The following CNTN5 variants were observed in gnomAD, a reference collection of about 807,000 sequenced individuals.
CNTN5 encodes the protein contactin-5.
A neutral mutation model predicts 129.1 loss-of-function variants in CNTN5; 77 were observed. That is an observed-to-expected ratio of 0.60 (90% confidence interval 0.50 to 0.72). The LOEUF (loss-of-function observed/expected upper bound fraction) is 0.72. Ranked by LOEUF, CNTN5 falls within the 30% of genes least tolerant of loss-of-function variation. CNTN5 has a pLI of 0.00. For missense variants in CNTN5, 1,478 were observed against 1,328.8 expected (o/e 1.11, Z -1.75); for synonymous variants, 509 against 465.6 (o/e 1.09, Z -1.20).
At chr11:99,821,259 A>G (rs544264917) in intron 4 of CNTN5, among the ~76,000 whole-genome samples, 5 of 152,296 alleles carry the variant, frequency 3.3e-5, no homozygotes, top group South Asian at 2.1e-4. Flanking sequence ...GGTAGTCACA[A>G]TGGTCAATAT....
chr11:99,159,885 A>G (rs1309538916), intron 1 of CNTN5, among the ~76,000 whole-genome samples: 1 of 152,178 alleles, frequency 6.6e-6, no homozygotes, highest in Non-Finnish European at 1.5e-5. Flanking sequence ...CTGTAATATA[A>G]TAATCTCAAC....
At chr11:99,070,162 C>T (rs1865286871) in intron 1 of CNTN5, among the ~76,000 whole-genome samples, 1 of 152,162 alleles carries the variant, frequency 6.6e-6, no homozygotes, top group South Asian at 2.1e-4. Flanking sequence ...TCCCTAATAA[C>T]TTCAAACTGG....
chr11:99,585,944 T>TCTTTCTTTC (rs1949779085), intron 3 of CNTN5, among the ~76,000 whole-genome samples: 1 of 152,148 alleles, frequency 6.6e-6, no homozygotes, highest in African/African-American at 2.4e-5. Context: ...AATAAATTGT[T>TCTTTCTTTC]CTTTCTTTCC....
chr11:100,040,768 T>G (rs1942330987), intron 9 of CNTN5, among the ~76,000 whole-genome samples: 1 of 152,216 alleles, frequency 6.6e-6, no homozygotes, highest in South Asian at 2.1e-4. Context: ...CGTAGGACCC[T>G]CCTAGCCAAG....
intron 2 of CNTN5, among the ~76,000 whole-genome samples, chr11:99,472,172 A>G (rs945143372): frequency 6.6e-6 from 1 of 152,152 alleles, no homozygotes. Flanking sequence ...AAGTCAAAGT[A>G]GTCAAAAGAA....
At chr11:99,863,746 T>C (rs996630430) in intron 6 of CNTN5, among the ~76,000 whole-genome samples, 4 of 152,198 alleles carry the variant, frequency 2.6e-5, no homozygotes, top group Non-Finnish European at 5.9e-5. Context: ...TAAAATAAGT[T>C]GAATACCTAG....
At chr11:100,122,383 G>T (rs897357547) in intron 13 of CNTN5, among the ~76,000 whole-genome samples, 13 of 151,982 alleles carry the variant, frequency 8.6e-5, no homozygotes, top group Non-Finnish European at 1.5e-5. Flanking sequence ...CAGCAGATTG[G>T]ATCACACTAA....
intron 2 of CNTN5, among the ~76,000 whole-genome samples, chr11:99,429,905 A>G (rs1943293106): frequency 6.6e-6 from 1 of 151,888 alleles, no homozygotes; most frequent in Admixed American, 6.6e-5. Context: ...CTAAAAGCAT[A>G]TTACCTAGCT....
At chr11:99,653,698 A>G (rs776466566) in intron 3 of CNTN5, among the ~76,000 whole-genome samples, 13 of 152,130 alleles carry the variant, frequency 8.5e-5, no homozygotes, top group Non-Finnish European at 1.2e-4. Context: ...ATTTACAAGC[A>G]GCACTATAAC....
chr11:99,132,625 G>A (rs1357047223), intron 1 of CNTN5, among the ~76,000 whole-genome samples: 1 of 152,038 alleles, frequency 6.6e-6, no homozygotes, highest in Non-Finnish European at 1.5e-5. Flanking sequence ...CAAGCAGAGA[G>A]CCAAATCATG....
At chr11:99,810,548 A>T (rs1012385760) in intron 3 of CNTN5, among the ~76,000 whole-genome samples, 1 of 152,168 alleles carries the variant, frequency 6.6e-6, no homozygotes, top group Non-Finnish European at 1.5e-5. Flanking sequence ...GAAAGTGCTG[A>T]GTTGAGACAT....
chr11:99,171,094 A>C (rs554852653), intron 1 of CNTN5, among the ~76,000 whole-genome samples: 1 of 152,150 alleles, frequency 6.6e-6, no homozygotes, highest in Admixed American at 6.5e-5. Flanking sequence ...CTTGTAATCC[A>C]AAGTATTGCA....
intron 6 of CNTN5, among the ~76,000 whole-genome samples, chr11:99,889,066 A>G (rs1248581236): frequency 1.3e-5 from 2 of 152,222 alleles, no homozygotes; most frequent in Admixed American, 6.5e-5. Context: ...TGACATCCGT[A>G]GAATTTTACA....
chr11:99,403,797 T>A (rs1267982101), intron 2 of CNTN5, among the ~76,000 whole-genome samples: 1 of 152,182 alleles, frequency 6.6e-6, no homozygotes, highest in Non-Finnish European at 1.5e-5. Flanking sequence ...TTGATGATGA[T>A]CCATGTGCTG....
chr11:99,655,703 G>A (rs559118482), intron 3 of CNTN5, among the ~76,000 whole-genome samples: 3 of 152,026 alleles, frequency 2.0e-5, no homozygotes, highest in East Asian at 1.9e-4. Context: ...TTCCATTGCT[G>A]CTTTATCCAT....
At chr11:99,861,478 T>A (rs1948205765) in intron 6 of CNTN5, among the ~76,000 whole-genome samples, 2 of 152,228 alleles carry the variant, frequency 1.3e-5, no homozygotes, top group Admixed American at 6.5e-5. Flanking sequence ...ATGCCAACTT[T>A]CATGCATGAC....
At chr11:99,444,709 T>A (rs566338652) in intron 2 of CNTN5, among the ~76,000 whole-genome samples, 1 of 152,126 alleles carries the variant, frequency 6.6e-6, no homozygotes, top group Non-Finnish European at 1.5e-5. Context: ...TACATACATA[T>A]ATGTATACAT....
intron 2 of CNTN5, among the ~76,000 whole-genome samples, chr11:99,535,312 G>A (rs1216902013): frequency 6.6e-6 from 1 of 152,164 alleles, no homozygotes; most frequent in Non-Finnish European, 1.5e-5. Context: ...GAAAATTTAG[G>A]AAGATTTGTG....
intron 1 of CNTN5, among the ~76,000 whole-genome samples, chr11:99,310,470 T>C (rs1865061036): frequency 6.6e-6 from 1 of 152,184 alleles, no homozygotes; most frequent in African/African-American, 2.4e-5. Flanking sequence ...GGTTTAATTA[T>C]TACGTTGGTA....
Sources: gnomAD v4.1 joint callset for allele counts (sites outside exome capture counted in the v4.1 genomes callset) on GRCh38, gnomAD v4.1.1 for gene constraint, MANE v1.5 for transcripts, NCBI Gene and HGNC (gene_info 2026-07-23, HGNC 2026-07-21) for gene names.